Variants in SASH1 observed in about 807,000 individuals in gnomAD.
The protein encoded by SASH1 is SAM and SH3 domain containing 1.
In SASH1, 44 loss-of-function variants were observed where a neutral mutation model predicts 125.2. The observed-to-expected ratio is 0.35, with a 90% CI of 0.28 to 0.45. SASH1 has a LOEUF of 0.45. Among genes scored for constraint, SASH1 ranks in the 20% least tolerant of loss-of-function variants. The pLI, the probability that SASH1 is intolerant of heterozygous loss-of-function variation, is 1.00. For synonymous variants in SASH1, 639 were observed against 649.1 expected (o/e 0.98, Z 0.24); for missense variants, 1,426 against 1,614.5 (o/e 0.88, Z 2.00).
chr6:148,406,691 G>A (rs1457195394), intron 2 of SASH1, among the ~76,000 whole-genome samples: 3 of 152,216 alleles, frequency 2.0e-5, no homozygotes, highest in Non-Finnish European at 4.4e-5. Flanking sequence ...GCTTTCCAAG[G>A]GAGGAGCAGA....
intron 1 of SASH1, among the ~76,000 whole-genome samples, chr6:148,319,317 G>C (rs1184662525): frequency 6.6e-6 from 1 of 152,024 alleles, no homozygotes; most frequent in Non-Finnish European, 1.5e-5. Flanking sequence ...TTACAGGCGT[G>C]AGCCACCGCG....
intron 1 of SASH1, among the ~76,000 whole-genome samples, chr6:148,382,381 C>T (rs137925397): frequency 2.6e-5 from 4 of 152,166 alleles, no homozygotes; most frequent in African/African-American, 9.7e-5. Flanking sequence ...CCTCCGCCTC[C>T]TGGGTTCAAG....
At chr6:148,515,631 G>C (rs1392001742) in intron 9 of SASH1, among the ~76,000 whole-genome samples, 1 of 152,216 alleles carries the variant, frequency 6.6e-6, no homozygotes, top group African/African-American at 2.4e-5. Flanking sequence ...GTATCTTTTT[G>C]CGTGGTAATT....
At chr6:148,446,434 TGAATA>T in intron 4 of SASH1, among the ~76,000 whole-genome samples, 1 of 152,148 alleles carries the variant, frequency 6.6e-6, no homozygotes, top group South Asian at 2.1e-4. Context: ...GGAAAGAGGG[TGAATA>T]GACATTGCGT....
chr6:148,331,017 T>C (rs1780982032), intron 1 of SASH1, among the ~76,000 whole-genome samples: 1 of 152,202 alleles, frequency 6.6e-6, no homozygotes. Context: ...AATCTTACGG[T>C]TCTCTGTAGG....
intron 2 of SASH1, among the ~76,000 whole-genome samples, chr6:148,399,773 C>G (rs935784104): frequency 6.6e-6 from 1 of 152,070 alleles, no homozygotes; most frequent in Non-Finnish European, 1.5e-5. Context: ...CGGAACCTAG[C>G]AGGTATCCAG....
intron 1 of SASH1, among the ~76,000 whole-genome samples, chr6:148,300,377 C>T (rs537605776): frequency 7.3e-5 from 11 of 151,708 alleles, no homozygotes; most frequent in African/African-American, 2.7e-4. Context: ...TTTTAAGGTG[C>T]ACTAGAATAA....
intron 4 of SASH1, among the ~76,000 whole-genome samples, chr6:148,459,708 C>T (rs748647589): frequency 7.3e-5 from 11 of 150,426 alleles, no homozygotes; most frequent in South Asian, 4.2e-4. Flanking sequence ...AAAAAAAGGC[C>T]GCTAATAATA....
intron 10 of SASH1, among the ~76,000 whole-genome samples, chr6:148,524,121 A>ATATATATATATATATATTTTTTTT (rs1193506716): frequency 7.8e-6 from 1 of 128,610 alleles, no homozygotes; most frequent in Non-Finnish European, 1.6e-5. Flanking sequence ...ATATATATAT[A>ATATATATATATATATATTTTTTTT]TTTTTTTTAA....
At position 148,321,576 on chromosome 6, in the gene SASH1, T is replaced by C. The variant is rs756511184; in HGVS notation, n.74+49199T>C. Reference sequence around the variant, plus strand: ...ATGGCACCTGGCTGACTGCACTCTTTGAAAGTAATGGCAAAAACTGTGATT... The same window carrying C: ...ATGGCACCTGGCTGACTGCACTCTTCGAAAGTAATGGCAAAAACTGTGATT... On this transcript the variant is annotated intron_variant and non_coding_transcript_variant, in intron 1 of 3. Coordinates refer to the SASH1 transcript ENST00000367469. Among the ~76,000 whole-genome samples, 28 of 152,146 alleles carry C rather than the reference T, an allele frequency of 1.8e-4. 1 individual carries two copies. Among genetic ancestry groups the C allele is most frequent in the Non-Finnish European group, 3.4e-4 (23 of 68,022 alleles).
At chr6:148,215,541 C>T in the SASH1 span, among the ~76,000 whole-genome samples, 1 of 152,274 alleles carries the variant, frequency 6.6e-6, no homozygotes, top group South Asian at 2.1e-4. Context: ...AAAAGGTTAT[C>T]CTCATGAGGA....
Position 148,277,094 on chromosome 6 carries a change from C to A in SASH1, n.74+4717C>A, listed in dbSNP as rs552595042. 2.0e-5 allele frequency among the ~76,000 whole-genome samples: 3 copies of A among 152,242 alleles called. No homozygotes were observed. In the South Asian group the frequency reaches 6.2e-4, roughly 32 times the overall value. ...TTTACTGATAAAGAAAGGGGACACA[C>A]GAATAGTCCCATAACTAGGATATAT... On this transcript the variant is annotated intron_variant and non_coding_transcript_variant, in intron 1 of 3. Coordinates refer to the SASH1 transcript ENST00000367469.
At chr6:148,260,341 C>T in the SASH1 span, among the ~76,000 whole-genome samples, 1 of 152,066 alleles carries the variant, frequency 6.6e-6, no homozygotes, top group Non-Finnish European at 1.5e-5. Context: ...GGTGCCATGA[C>T]TCATGCCTGT....
intron 1 of SASH1, among the ~76,000 whole-genome samples, chr6:148,348,630 G>A (rs926084105): frequency 6.6e-6 from 1 of 152,290 alleles, no homozygotes; most frequent in Non-Finnish European, 1.5e-5. Flanking sequence ...TTACAGTTCA[G>A]ATGTAAACGT....
intron 1 of SASH1, among the ~76,000 whole-genome samples, chr6:148,344,072 T>G (rs61199970): frequency 0.082 from 12,434 of 152,276 alleles, 780 homozygotes; most frequent in East Asian, 0.32. Flanking sequence ...TTATATTTTT[T>G]GAGTGGGAGG....
At chr6:148,394,592 C>G (rs1301455822) in intron 2 of SASH1, among the ~76,000 whole-genome samples, 1 of 152,132 alleles carries the variant, frequency 6.6e-6, no homozygotes, top group East Asian at 1.9e-4. Context: ...GTCTGAGGAC[C>G]TGCAGCTTAA....
intron 19 of SASH1, among the ~76,000 whole-genome samples, chr6:148,547,665 T>C (rs1782647566): frequency 6.6e-6 from 1 of 152,234 alleles, no homozygotes; most frequent in South Asian, 2.1e-4. Context: ...TCCTGGAAGA[T>C]GGTTTGCTTC....
chr6:148,322,103 C>A (rs1022445546), intron 1 of SASH1, among the ~76,000 whole-genome samples: 2 of 152,174 alleles, frequency 1.3e-5, no homozygotes, highest in Non-Finnish European at 2.9e-5. Flanking sequence ...GTAATCCTAG[C>A]ACTTTGGGAG....
At chr6:148,390,569 G>A (rs894021481) in intron 2 of SASH1, among the ~76,000 whole-genome samples, 3 of 152,128 alleles carry the variant, frequency 2.0e-5, no homozygotes, top group Admixed American at 6.5e-5. Flanking sequence ...GGCGGATCAC[G>A]AGGTCAGGAG....
Sources: gnomAD v4.1 joint callset for allele counts (sites outside exome capture counted in the v4.1 genomes callset) on GRCh38, gnomAD v4.1.1 for gene constraint, MANE v1.5 for transcripts, NCBI Gene and HGNC (gene_info 2026-07-23, HGNC 2026-07-21) for gene names.